The following HEATR5B variants were observed in gnomAD, a reference collection of about 807,000 sequenced individuals.
HEATR5B encodes HEAT repeat-containing protein 5B.
HEATR5B carries 156 observed loss-of-function variants against 224.1 expected under a neutral mutation model. That is an observed-to-expected ratio of 0.70 (90% CI 0.61 to 0.80). The LOEUF (loss-of-function observed/expected upper bound fraction) is 0.80. HEATR5B is among the 30% of genes least tolerant of loss of function. The probability of loss-of-function intolerance (pLI) is 0.00; values close to 1 mark genes in which losing one functional copy is unlikely to be tolerated. For synonymous variants in HEATR5B, 1,027 were observed against 893.0 expected (o/e 1.15, Z -2.68); for missense variants, 2,323 against 2,535.5 (o/e 0.92, Z 1.80).
intron 26 of HEATR5B, among the ~76,000 whole-genome samples, chr2:37,017,963 T>G (rs1290076492): frequency 6.6e-6 from 1 of 152,182 alleles, no homozygotes; most frequent in African/African-American, 2.4e-5. Context: ...GTGTGACATC[T>G]GAGGGTCCTT....
intron 35 of HEATR5B, among the ~76,000 whole-genome samples, chr2:36,984,959 A>G (rs2247010): frequency 0.32 from 49,330 of 152,034 alleles, 8,594 homozygotes; most frequent in African/African-American, 0.4. Flanking sequence ...TAACAGATTC[A>G]ATAAAGATGA....
chr2:37,063,153 G>A (rs1671385528), intron 10 of HEATR5B, among the ~76,000 whole-genome samples: 1 of 152,014 alleles, frequency 6.6e-6, no homozygotes, highest in African/African-American at 2.4e-5. Context: ...CTTTGAATGT[G>A]GAATAATAGT....
chr2:37,073,905 T>TA (rs1672062517), intron 5 of HEATR5B, among the ~76,000 whole-genome samples: 1 of 152,162 alleles, frequency 6.6e-6, no homozygotes, highest in Admixed American at 6.5e-5. Flanking sequence ...GGCATCAAGA[T>TA]AGACAAATGG....
chr2:37,071,752 T>C (rs911203296), intron 6 of HEATR5B, among the ~76,000 whole-genome samples: 1 of 152,016 alleles, frequency 6.6e-6, no homozygotes, highest in East Asian at 1.9e-4. Flanking sequence ...TGGTGCGATC[T>C]TGGCTCACTG....
intron 35 of HEATR5B, among the ~76,000 whole-genome samples, 194 bp from the exon 36 acceptor site, chr2:36,981,988 T>C (rs1413501403): frequency 6.6e-6 from 1 of 151,666 alleles, no homozygotes; most frequent in African/African-American, 2.4e-5. Flanking sequence ...GGTTTGTTAA[T>C]ATTGTATATT....
chr2:37,076,753 T>C (rs1044303504), intron 4 of HEATR5B, among the ~76,000 whole-genome samples, 158 bp downstream of exon 4: 8 of 143,184 alleles, frequency 5.6e-5, no homozygotes, highest in Admixed American at 2.1e-4. Flanking sequence ...CCCTTCCCCC[T>C]GATATACATT....
intron 4 of HEATR5B, among the ~76,000 whole-genome samples, chr2:37,076,542 C>T (rs1029360793): frequency 2.0e-5 from 3 of 151,946 alleles, no homozygotes; most frequent in African/African-American, 7.3e-5. Flanking sequence ...CGCAGACCTC[C>T]AGCTTCCAGA....
chr2:37,043,863 T>C (rs1048572031), intron 18 of HEATR5B, among the ~76,000 whole-genome samples: 2 of 152,190 alleles, frequency 1.3e-5, no homozygotes, highest in African/African-American at 4.8e-5. Flanking sequence ...ATATGTAATT[T>C]AAAATATTCT....
intron 2 of HEATR5B, among the ~76,000 whole-genome samples, chr2:37,082,017 G>C (rs1251082302): frequency 1.5e-5 from 2 of 129,830 alleles, no homozygotes; most frequent in African/African-American, 5.7e-5. Flanking sequence ...TGATCAGGCA[G>C]CCAAAGATCA....
intron 17 of HEATR5B, among the ~76,000 whole-genome samples, chr2:37,052,959 A>G (rs919019503): frequency 1.3e-5 from 2 of 152,254 alleles, no homozygotes; most frequent in African/African-American, 4.8e-5. Context: ...GACCATTGGT[A>G]ATTGAAACTG....
intron 11 of HEATR5B, 33 bp downstream of exon 11, chr2:37,061,906 C>T (rs757995156): frequency 2.6e-5 from 34 of 1,290,486 alleles, no homozygotes; most frequent in South Asian, 1.2e-4. Flanking sequence ...ACAGTTATAG[C>T]GTGACAAAAA....
chr2:36,988,047 G>C (rs1400881107), intron 35 of HEATR5B, among the ~76,000 whole-genome samples: 3 of 151,778 alleles, frequency 2.0e-5, no homozygotes, highest in Non-Finnish European at 2.9e-5. Flanking sequence ...ATGCCAGCCT[G>C]GGTGACAGAG....
At chr2:37,044,092 C>A (rs1409835168) in intron 18 of HEATR5B, among the ~76,000 whole-genome samples, 1 of 152,076 alleles carries the variant, frequency 6.6e-6, no homozygotes, top group Non-Finnish European at 1.5e-5. Context: ...ATTTTACATT[C>A]TTTTTTTGAA....
intron 12 of HEATR5B, among the ~76,000 whole-genome samples, chr2:37,059,355 T>A (rs1223908535): frequency 6.8e-6 from 1 of 147,794 alleles, no homozygotes. Context: ...TTACATGAAA[T>A]TTTTACATAT....
chr2:37,030,210 C>G (rs576492517), intron 22 of HEATR5B, among the ~76,000 whole-genome samples: 1 of 152,088 alleles, frequency 6.6e-6, no homozygotes, highest in African/African-American at 2.4e-5. Flanking sequence ...TTGTGTCACC[C>G]CAAATACAGA....
At chr2:37,053,323 A>G (rs1210930640) in intron 17 of HEATR5B, among the ~76,000 whole-genome samples, 179 bp downstream of exon 17, 1 of 152,240 alleles carries the variant, frequency 6.6e-6, no homozygotes, top group African/African-American at 2.4e-5. Context: ...AAAATATAAA[A>G]CATTTATTTA....
At chr2:36,999,949 T>G (rs1666980648) in intron 33 of HEATR5B, among the ~76,000 whole-genome samples, 1 of 148,680 alleles carries the variant, frequency 6.7e-6, no homozygotes, top group Admixed American at 6.8e-5. Flanking sequence ...GAGGCGGAGG[T>G]TGCAGTGGGC....
intron 29 of HEATR5B, among the ~76,000 whole-genome samples, 162 bp from the exon 30 acceptor site, chr2:37,005,921 ACT>A (rs3080795): frequency 0.16 from 24,417 of 152,184 alleles, 2,146 homozygotes; most frequent in African/African-American, 0.2. Flanking sequence ...AAACAGCCAA[ACT>A]CAACATAAGG....
chr2:37,079,404 CACTT>C, intron 2 of HEATR5B, 73 bp from the exon 3 acceptor site: 1 of 693,816 alleles, frequency 1.4e-6, no homozygotes, highest in Non-Finnish European at 2.4e-6. Flanking sequence ...AAATAAAAAA[CACTT>C]AACACTTAAG....
Sources: gnomAD v4.1 joint callset for allele counts (sites outside exome capture counted in the v4.1 genomes callset) on GRCh38, gnomAD v4.1.1 for gene constraint, MANE v1.5 for transcripts, NCBI Gene and HGNC (gene_info 2026-07-23, HGNC 2026-07-21) for gene names.